The following GULP1 variants were observed in gnomAD, a reference collection of about 807,000 sequenced individuals.
GULP1 encodes GULP PTB domain containing engulfment adaptor 1.
Under a neutral mutation model 40.9 loss-of-function variants are expected in GULP1, and 19 were observed. That is an observed-to-expected ratio of 0.46 (90% CI 0.32 to 0.68). The LOEUF (loss-of-function observed/expected upper bound fraction) is 0.68, where lower values mean the gene tolerates loss of function less well. Ranked by LOEUF, GULP1 falls within the 30% of genes least tolerant of loss-of-function variation. GULP1 has a pLI of 0.03. For synonymous variants in GULP1, 119 were observed against 117.6 expected, an observed-to-expected ratio of 1.01 and a Z score of -0.08; for missense variants, 312 against 362.2, an observed-to-expected ratio of 0.86 and a Z score of 1.12.
rs1335311740 is a variant in GULP1 at position 188,493,929 on chromosome 2, T to C, written c.90+10437T>C. On this transcript the variant is annotated intron_variant, in intron 4 of 11. Coordinates refer to ENST00000409830, the MANE Select transcript of GULP1 (RefSeq NM_016315.4). The stretch of plus-strand genomic sequence containing the variant: ...TTTACATGACAACTCTCAGATCTAC[T>C]TCTCTAATAACTCAAACTCACCTTC... Among the ~76,000 whole-genome samples, 4 of 152,184 alleles carry C rather than the reference T, an allele frequency of 2.6e-5. No homozygotes were observed. The East Asian group carries it at 7.8e-4, about 30-fold the overall frequency.
At chr2:188,354,948 T>C (rs988394362) in intron 1 of GULP1, among the ~76,000 whole-genome samples, 2 of 152,060 alleles carry the variant, frequency 1.3e-5, no homozygotes, top group African/African-American at 4.8e-5. Flanking sequence ...GAATGACCAA[T>C]AGATTAATGA....
chr2:188,345,440 A>G (rs1335791677), intron 1 of GULP1, among the ~76,000 whole-genome samples: 2 of 152,226 alleles, frequency 1.3e-5, no homozygotes, highest in African/African-American at 2.4e-5. Flanking sequence ...ACAGGATAGA[A>G]TGTACCCAGG....
intron 1 of GULP1, among the ~76,000 whole-genome samples, chr2:188,357,653 A>T (rs2152340919): frequency 6.6e-6 from 1 of 152,302 alleles, no homozygotes; most frequent in Non-Finnish European, 1.5e-5. Flanking sequence ...TCCTCAAAAA[A>T]ACTGAAAATA....
At chr2:188,387,051 C>T (rs2049868658) in intron 2 of GULP1, among the ~76,000 whole-genome samples, 2 of 151,964 alleles carry the variant, frequency 1.3e-5, no homozygotes, top group South Asian at 4.1e-4. Context: ...GCCTGGCCAA[C>T]ATGATGAAAC....
chr2:188,354,111 C>T (rs1574657352), intron 1 of GULP1, among the ~76,000 whole-genome samples: 1 of 151,998 alleles, frequency 6.6e-6, no homozygotes, highest in African/African-American at 2.4e-5. Flanking sequence ...TCTTTGCTCC[C>T]CAGGGCCCAA....
chr2:188,386,648 T>A (rs1371447905), intron 2 of GULP1, among the ~76,000 whole-genome samples: 2 of 152,182 alleles, frequency 1.3e-5, no homozygotes, highest in Admixed American at 1.3e-4. Context: ...GTAGCATTAC[T>A]AGAATTGGTA....
intron 2 of GULP1, among the ~76,000 whole-genome samples, chr2:188,389,440 A>G (rs1297277938): frequency 6.6e-6 from 1 of 152,192 alleles, no homozygotes; most frequent in Non-Finnish European, 1.5e-5. Context: ...CATTACCACA[A>G]TGTATATAAT....
At chr2:188,434,849 T>C (rs1039369126) in intron 2 of GULP1, among the ~76,000 whole-genome samples, 2 of 152,026 alleles carry the variant, frequency 1.3e-5, no homozygotes. Context: ...ACAATTTTTG[T>C]ATGCTTTCAT....
intron 1 of GULP1, among the ~76,000 whole-genome samples, chr2:188,382,500 T>G (rs546897845): frequency 6.2e-4 from 94 of 152,288 alleles, no homozygotes; most frequent in African/African-American, 2.2e-3. Flanking sequence ...CCAAATAAAC[T>G]TCTCGCATTG....
chr2:188,557,757 C>G (rs1165815871), intron 7 of GULP1, among the ~76,000 whole-genome samples: 1 of 152,174 alleles, frequency 6.6e-6, no homozygotes, highest in Non-Finnish European at 1.5e-5. Flanking sequence ...AATGAGGGCT[C>G]CAATCTTGCA....
chr2:188,557,115 C>A (rs150953234), intron 7 of GULP1, among the ~76,000 whole-genome samples: 67 of 152,202 alleles, frequency 4.4e-4, no homozygotes, highest in African/African-American at 1.5e-3. Context: ...GTTTGACATG[C>A]GATTTGATAG....
chr2:188,514,229 G>GTA (rs1461383080), intron 4 of GULP1, among the ~76,000 whole-genome samples: 1 of 152,110 alleles, frequency 6.6e-6, no homozygotes, highest in East Asian at 1.9e-4. Flanking sequence ...TTTCTTAAAT[G>GTA]TATGTATAGC....
chr2:188,356,542 C>T (rs1297787449), intron 1 of GULP1, among the ~76,000 whole-genome samples: 1 of 151,998 alleles, frequency 6.6e-6, no homozygotes, highest in Non-Finnish European at 1.5e-5. Flanking sequence ...GAAGGACACA[C>T]ACACACAAAT....
At chr2:188,359,937 C>G (rs10931353) in intron 1 of GULP1, among the ~76,000 whole-genome samples, 1,739 of 152,102 alleles carry the variant, frequency 0.011, 14 homozygotes, top group Non-Finnish European at 0.02. Flanking sequence ...GTAAATGAAC[C>G]AGGAAAGAGA....
At chr2:188,309,782 G>A (rs1306116886) in intron 1 of GULP1, among the ~76,000 whole-genome samples, 1 of 152,214 alleles carries the variant, frequency 6.6e-6, no homozygotes, top group African/African-American at 2.4e-5. Flanking sequence ...TGTGTGCTAA[G>A]TGGATGAAGG....
At chr2:188,312,916 T>C (rs1446526693) in intron 1 of GULP1, among the ~76,000 whole-genome samples, 3 of 152,224 alleles carry the variant, frequency 2.0e-5, no homozygotes, top group Admixed American at 2.0e-4. Flanking sequence ...ATGAATGTCT[T>C]CTTTTGAGAA....
chr2:188,442,352 G>T (rs1559245771), intron 2 of GULP1, among the ~76,000 whole-genome samples: 1 of 152,120 alleles, frequency 6.6e-6, no homozygotes, highest in Non-Finnish European at 1.5e-5. Flanking sequence ...CGTATACAAA[G>T]TCATTAACAT....
At chr2:188,446,845 C>G (rs1168678692) in intron 2 of GULP1, among the ~76,000 whole-genome samples, 1 of 27,100 alleles carries the variant, frequency 3.7e-5, no homozygotes, top group Non-Finnish European at 6.6e-5. Context: ...TTGCTCTGGT[C>G]ACTTTCATTG....
intron 1 of GULP1, among the ~76,000 whole-genome samples, chr2:188,314,342 G>A (rs781290360): frequency 1.3e-5 from 2 of 152,096 alleles, no homozygotes; most frequent in Non-Finnish European, 2.9e-5. Flanking sequence ...ACTTTCTCCT[G>A]TGCAAATTTT....
Sources: allele counts gnomAD v4.1 joint callset (sites outside exome capture counted in the v4.1 genomes callset), GRCh38; gene constraint gnomAD v4.1.1; transcripts MANE v1.5; gene names NCBI Gene and HGNC (gene_info 2026-07-23, HGNC 2026-07-21).